The following ACTMAP variants were observed in gnomAD, a reference collection of about 807,000 sequenced individuals.
The protein encoded by ACTMAP is actin maturation protease.
the ACTMAP span, among the ~76,000 whole-genome samples, chr19:40,747,619 TCGAGA>T: frequency 1.3e-5 from 2 of 151,888 alleles, no homozygotes; most frequent in African/African-American, 4.8e-5. Flanking sequence ...CTTTGGGTGG[TCGAGA>T]CAAGAAGATC....
chr19:40,749,238 G>A, the ACTMAP span, among the ~76,000 whole-genome samples: 35 of 152,200 alleles, frequency 2.3e-4, no homozygotes, highest in Admixed American at 7.8e-4. Flanking sequence ...TGATCCACCC[G>A]CCTCGGCCTC....
chr19:40,744,313 G>A, the ACTMAP span: 6 of 1,410,054 alleles, frequency 4.3e-6, no homozygotes, highest in Non-Finnish European at 5.6e-6. Context: ...TGGTACAAAT[G>A]CAGAAAATGA....
At chr19:40,742,284 C>T in the ACTMAP span, 1 of 820,586 alleles carries the variant, frequency 1.2e-6, no homozygotes, top group Non-Finnish European at 2.0e-6. Flanking sequence ...CCAGCTGGTG[C>T]TCAATACTGC....
chr19:40,750,102 G>A, the ACTMAP span, among the ~76,000 whole-genome samples: 3 of 152,236 alleles, frequency 2.0e-5, no homozygotes, highest in East Asian at 5.8e-4. Context: ...AGAGTTAGTA[G>A]GAGTTAACTC....
At chr19:40,749,693 G>C in the ACTMAP span, 2 of 1,530,510 alleles carry the variant, frequency 1.3e-6, no homozygotes, top group Admixed American at 2.3e-5. Flanking sequence ...AAGCTGAAAA[G>C]TCCAGGGGAC....
chr19:40,744,638 G>T, the ACTMAP span: 2 of 1,613,728 alleles, frequency 1.2e-6, no homozygotes, highest in Non-Finnish European at 8.5e-7. Flanking sequence ...CGCCACTGGG[G>T]GGCGACAGGA....
the ACTMAP span, among the ~76,000 whole-genome samples, chr19:40,743,052 T>A: frequency 1.3e-5 from 2 of 151,962 alleles, no homozygotes; most frequent in Admixed American, 6.6e-5. Context: ...CATCCTCAGC[T>A]CTTTAGGGAA....
At chr19:40,746,403 T>C in the ACTMAP span, among the ~76,000 whole-genome samples, 1 of 150,426 alleles carries the variant, frequency 6.6e-6, no homozygotes, top group African/African-American at 2.5e-5. Flanking sequence ...GTTTTTGTTT[T>C]TGTTTTTTTT....
the ACTMAP span, chr19:40,744,124 C>A: frequency 9.7e-5 from 156 of 1,613,140 alleles, 4 homozygotes; most frequent in South Asian, 1.6e-3. Flanking sequence ...TCTGTTGGGA[C>A]CGCCCAGGCC....
chr19:40,744,002 AT>A, the ACTMAP span: 1 of 1,613,776 alleles, frequency 6.2e-7, no homozygotes, highest in African/African-American at 1.3e-5. Context: ...GGTAAAAACG[AT>A]GGTGTGGCCC....
chr19:40,744,057 C>A, the ACTMAP span: 1 of 1,613,964 alleles, frequency 6.2e-7, no homozygotes, highest in East Asian at 2.2e-5. Context: ...TCTCCCAGGC[C>A]CTGGGATACG....
the ACTMAP span, chr19:40,749,978 G>A: frequency 4.0e-6 from 2 of 505,870 alleles, no homozygotes; most frequent in Non-Finnish European, 6.7e-6. Flanking sequence ...CACGGGAGCA[G>A]GAATTGCGAG....
chr19:40,748,503 C>T, the ACTMAP span, among the ~76,000 whole-genome samples: 1 of 152,182 alleles, frequency 6.6e-6, no homozygotes, highest in Non-Finnish European at 1.5e-5. Context: ...GTCTGGCACT[C>T]TCCTTTCCCC....
chr19:40,744,811 C>CT, the ACTMAP span: 578 of 1,346,268 alleles, frequency 4.3e-4, 3 homozygotes, highest in African/African-American at 7.5e-3. Flanking sequence ...CGAGGGAGAC[C>CT]TGACTCCCCT....
At chr19:40,742,727 A>G in the ACTMAP span, 1 of 1,611,468 alleles carries the variant, frequency 6.2e-7, no homozygotes, top group Non-Finnish European at 8.5e-7. Flanking sequence ...CAGGGTCCTC[A>G]GTGTAGCCGA....
the ACTMAP span, chr19:40,744,798 C>T: frequency 2.8e-6 from 4 of 1,412,332 alleles, no homozygotes; most frequent in Non-Finnish European, 3.7e-6. Context: ...TCTCCCAGGC[C>T]AGCGAGGGAG....
the ACTMAP span, chr19:40,743,762 TG>T: frequency 9.8e-7 from 1 of 1,016,946 alleles, no homozygotes; most frequent in Non-Finnish European, 1.5e-6. Context: ...GGCAGACACC[TG>T]GGGCCCAGCC....
chr19:40,749,548 C>G, the ACTMAP span: 20 of 1,551,196 alleles, frequency 1.3e-5, no homozygotes, highest in Non-Finnish European at 1.7e-5. Context: ...CCGGCCTTAT[C>G]AAAGGCCTCC....
chr19:40,745,212 G>C, the ACTMAP span: 2 of 1,551,736 alleles, frequency 1.3e-6, no homozygotes, highest in Non-Finnish European at 1.7e-6. Flanking sequence ...AAGCAGAGCC[G>C]TGCTCAGTCA....
Sources: allele counts gnomAD v4.1 joint callset (sites outside exome capture counted in the v4.1 genomes callset), GRCh38; gene constraint gnomAD v4.1.1; transcripts MANE v1.5; gene names NCBI Gene and HGNC (gene_info 2026-07-23, HGNC 2026-07-21).